HDGFL3: variants seen among roughly 807,000 people sequenced by gnomAD.
HDGFL3 encodes the protein HDGF like 3, also known as hepatoma-derived growth factor-related protein 3.
HDGFL3 carries 6 observed loss-of-function variants against 27.6 expected under a neutral mutation model. That is an observed-to-expected ratio of 0.22 (90% CI 0.12 to 0.43). The LOEUF is 0.43. Ranked by LOEUF, HDGFL3 falls within the 20% of genes least tolerant of loss-of-function variation. The pLI is 1.00. For missense variants in HDGFL3, 207 were observed against 250.1 expected (o/e 0.83, Z 1.16); for synonymous variants, 88 against 88.9 (o/e 0.99, Z 0.05).
At chr15:83,186,286 A>C (rs960339026) in intron 1 of HDGFL3, among the ~76,000 whole-genome samples, 1 of 152,234 alleles carries the variant, frequency 6.6e-6, no homozygotes, top group African/African-American at 2.4e-5. Context: ...AGAAACTACA[A>C]AAAGAGTTCA....
intron 1 of HDGFL3, among the ~76,000 whole-genome samples, chr15:83,205,516 T>C (rs1165139989): frequency 6.6e-6 from 1 of 152,218 alleles, no homozygotes; most frequent in Non-Finnish European, 1.5e-5. Flanking sequence ...ACCACTTCCG[T>C]AGGATTTTTC....
At chr15:83,126,685 T>G (rs1439543674), downstream of HDGFL3, 1 of 1,287,272 alleles carries the variant, frequency 7.8e-7, no homozygotes, top group Non-Finnish European at 1.1e-6. Flanking sequence ...CCTGGCACAT[T>G]TAGCCTTATC....
chr15:83,173,775 T>C (rs1053506074), intron 1 of HDGFL3, among the ~76,000 whole-genome samples: 4 of 152,000 alleles, frequency 2.6e-5, no homozygotes, highest in Non-Finnish European at 4.4e-5. Flanking sequence ...CTACAAACCA[T>C]CTCCTTTACA....
At chr15:83,124,872 A>C, downstream of HDGFL3, 1 of 1,067,036 alleles carries the variant, frequency 9.4e-7, no homozygotes, top group South Asian at 1.4e-5. Flanking sequence ...TTTCCATCAG[A>C]CTTCTTAGCA....
rs1034119796 is a variant in HDGFL3 at position 83,207,246 on chromosome 15, G to A, written c.84+85C>T. The A allele has an allele frequency of 5.6e-5, 55 of 975,596 alleles. No homozygotes were observed. In the African/African-American group the frequency reaches 7.7e-4, roughly 14 times the overall value. 60.4% of individuals were successfully genotyped at this position (975,596 alleles called of 1,614,324 possible). A position where few individuals can be genotyped will look rare whatever the true frequency, so the allele number is the denominator to read the frequency against. On this transcript the variant is annotated intron_variant, in intron 1 of 5. Coordinates refer to ENST00000299633, the MANE Select transcript of HDGFL3 (RefSeq NM_016073.4). This position sits in a 1 kb window ranked among gnomAD's most constrained non-coding sequence, Gnocchi z 4.8. The stretch of plus-strand genomic sequence containing the variant: ...GGCCGCGAGCTGCGGGCTCGGGGCT[G>A]AGGCGATGGGGAAAGGGGGCGGGCG...
At chr15:83,185,124 A>G (rs2037426416) in intron 1 of HDGFL3, 1 of 152,304 alleles carries the variant, frequency 6.6e-6, no homozygotes, top group Non-Finnish European at 1.5e-5. Flanking sequence ...CCCGGGTTCA[A>G]GCAATTCTCC....
chr15:83,115,161 A>C (rs1567135490), exon 4 of HDGFL3: 1 of 155,794 alleles, frequency 6.4e-6, no homozygotes. Flanking sequence ...TCTGTCGCCC[A>C]GGCTGGAGTG....
At chr15:83,191,813 G>A (rs147435581) in intron 1 of HDGFL3, among the ~76,000 whole-genome samples, 36 of 151,670 alleles carry the variant, frequency 2.4e-4, no homozygotes, top group East Asian at 9.7e-4. Flanking sequence ...AAAAATCACC[G>A]AATCCAAGCA....
intron 1 of HDGFL3, among the ~76,000 whole-genome samples, chr15:83,177,646 T>C (rs549466892): frequency 1.8e-3 from 269 of 152,330 alleles, no homozygotes; most frequent in Non-Finnish European, 2.9e-3. Context: ...CTTTGCATAT[T>C]TGAATTTTTA....
intron 5 of HDGFL3, among the ~76,000 whole-genome samples, chr15:83,140,386 G>A (rs1034766585): frequency 6.6e-6 from 1 of 151,618 alleles, no homozygotes; most frequent in Non-Finnish European, 1.5e-5. Flanking sequence ...CCAGTTATAA[G>A]ATTATACTCA....
chr15:83,142,147 C>T (rs927988910), intron 5 of HDGFL3, among the ~76,000 whole-genome samples: 1 of 152,128 alleles, frequency 6.6e-6, no homozygotes, highest in Non-Finnish European at 1.5e-5. Context: ...AACTACCATT[C>T]AACCCAGCAA....
intron 5 of HDGFL3, among the ~76,000 whole-genome samples, chr15:83,147,214 C>G (rs2036908680): frequency 6.6e-6 from 1 of 152,054 alleles, no homozygotes; most frequent in Admixed American, 6.6e-5. Context: ...AGGCACGCAC[C>G]ACAACACTCA....
At position 83,139,243 on chromosome 15, in the gene HDGFL3, CT is replaced by C; in HGVS notation, c.*26del. 1 of 1,395,436 alleles carries C rather than the reference CT, an allele frequency of 7.2e-7. No homozygotes were observed. The highest frequency in any genetic ancestry group is 9.6e-7 in the Non-Finnish European group (1 of 1,043,962). The allele number at this position is 1,395,436 out of a possible 1,614,324, so 86.4% of individuals were successfully genotyped here. A position where few individuals can be genotyped will look rare whatever the true frequency, so the allele number is the denominator to read the frequency against. On this transcript the variant is annotated 3_prime_UTR_variant, in exon 6 of 6. Transcript: ENST00000299633. ...AACATATAACCTTCTTGTGGTTTCTCTTAATATGCAGCATTCATTATGGTAG... is the reference window on the plus strand; with the variant it reads ...AACATATAACCTTCTTGTGGTTTCTCTAATATGCAGCATTCATTATGGTAG...
At position 83,134,135 on chromosome 15, in the gene HDGFL3, T is replaced by C. The variant is rs1427516957; in HGVS notation, c.*5135A>G. On this transcript the variant is annotated 3_prime_UTR_variant, in exon 6 of 6. Coordinates refer to ENST00000299633, the MANE Select transcript of HDGFL3 (RefSeq NM_016073.4). ...CAAGTCCATTGTTGTTGAACGTTTA[T>C]TGAGCTCTAACAATGTGACAGGTGC... 3.3e-5 allele frequency: 5 copies of C among 152,230 alleles called. No individual in the cohort carries two copies. Among genetic ancestry groups the C allele is most frequent in the Admixed American group, 1.3e-4 (2 of 15,292 alleles). 9.4% of individuals were successfully genotyped at this position (152,230 alleles called of 1,614,324 possible).
At chr15:83,203,497 TA>T (rs1057059087) in intron 1 of HDGFL3, among the ~76,000 whole-genome samples, 2 of 151,548 alleles carry the variant, frequency 1.3e-5, no homozygotes, top group South Asian at 2.1e-4. Flanking sequence ...AACAGGTGGC[TA>T]AAAAAAAGAA....
At chr15:83,159,954 T>C (rs1227497984) in intron 2 of HDGFL3, among the ~76,000 whole-genome samples, 1 of 152,192 alleles carries the variant, frequency 6.6e-6, no homozygotes, top group Non-Finnish European at 1.5e-5. Context: ...CTTAATAGGA[T>C]AACTTTGGCT....
At chr15:83,191,021 A>G (rs2037505189) in intron 1 of HDGFL3, among the ~76,000 whole-genome samples, 1 of 152,208 alleles carries the variant, frequency 6.6e-6, no homozygotes, top group African/African-American at 2.4e-5. Flanking sequence ...GTGTTTTTAA[A>G]AAAGTTTCTC....
chr15:83,136,377 T>C lies in HDGFL3; in HGVS notation c.*2893A>G. On this transcript the variant is annotated 3_prime_UTR_variant, in exon 6 of 6. Transcript: ENST00000299633. ...ATTTTGCCTGCAGGTGAGACTGGTTTTGAGGGCACAGAAACGTAGCCTGAA... is the reference window on the plus strand; with the variant it reads ...ATTTTGCCTGCAGGTGAGACTGGTTCTGAGGGCACAGAAACGTAGCCTGAA... 1 of 966,344 alleles carries C rather than the reference T, an allele frequency of 1.0e-6. No individual in the cohort carries two copies. Among genetic ancestry groups the C allele is most frequent in the Admixed American group, 3.2e-5 (1 of 31,368 alleles). The allele number at this position is 966,344 out of a possible 1,614,324, so 59.9% of individuals were successfully genotyped here.
At chr15:83,126,819 A>C (rs781446978), downstream of HDGFL3, 1 of 1,613,800 alleles carries the variant, frequency 6.2e-7, no homozygotes. Flanking sequence ...CCCTATCTAA[A>C]GGATCCTGCT....
Sources: allele counts gnomAD v4.1 joint callset (sites outside exome capture counted in the v4.1 genomes callset), GRCh38; gene constraint gnomAD v4.1.1; non-coding constraint Gnocchi (gnomAD v3.1); transcripts MANE v1.5; gene names NCBI Gene and HGNC (gene_info 2026-07-23, HGNC 2026-07-21).